Variants in TENM1 observed in about 807,000 individuals in gnomAD.
TENM1 encodes teneurin-1.
TENM1 carries 35 observed loss-of-function variants against 174.8 expected under a neutral mutation model. The observed-to-expected ratio is 0.20, with a 90% CI of 0.15 to 0.27. The LOEUF is 0.27. Among genes scored for constraint, TENM1 ranks in the 10% least tolerant of loss-of-function variants. The probability of loss-of-function intolerance (pLI) is 1.00; values close to 1 mark genes in which losing one functional copy is unlikely to be tolerated. For synonymous variants in TENM1, 781 were observed against 798.7 expected (o/e 0.98, Z 0.37); for missense variants, 1,633 against 2,130.1 (o/e 0.77, Z 4.59).
the TENM1 span, among the ~76,000 whole-genome samples, chrX:124,997,396 T>C: frequency 9.0e-6 from 1 of 111,213 alleles, no homozygotes; most frequent in East Asian, 2.8e-4. Flanking sequence ...AGAAATGAAA[T>C]CCAAATGGCA....
chrX:124,828,819 A>C (rs1240610240), intron 3 of TENM1, among the ~76,000 whole-genome samples: 12 of 112,234 alleles, frequency 1.1e-4, no homozygotes, highest in African/African-American at 3.9e-4. Flanking sequence ...AGAAAGAAAG[A>C]AAACAAAAGA....
chrX:124,520,454 T>C (rs2047816061), intron 18 of TENM1, 63 bp downstream of exon 21: 1 of 974,244 alleles, frequency 1.0e-6, no homozygotes, highest in African/African-American at 1.9e-5. Flanking sequence ...AATTAACATG[T>C]AACAAGTATT....
chrX:124,454,850 G>C (rs1211232445), intron 22 of TENM1, among the ~76,000 whole-genome samples: 1 of 112,144 alleles, frequency 8.9e-6, no homozygotes, highest in Non-Finnish European at 1.9e-5. Flanking sequence ...CTACAATTTA[G>C]TCTTTTCCCC....
At chrX:124,407,437 C>T (rs1282153381) in intron 25 of TENM1, among the ~76,000 whole-genome samples, 5 of 111,954 alleles carry the variant, frequency 4.5e-5, no homozygotes, top group Non-Finnish European at 7.5e-5. Context: ...TTTTATTTGC[C>T]TTTTAAAATG....
chrX:125,049,735 T>C, the TENM1 span, among the ~76,000 whole-genome samples: 1 of 111,478 alleles, frequency 9.0e-6, no homozygotes, highest in Non-Finnish European at 1.9e-5. Flanking sequence ...ATGTGTGACA[T>C]AGTATCTCTT....
the TENM1 span, among the ~76,000 whole-genome samples, chrX:125,090,424 T>C: frequency 9.2e-6 from 1 of 108,662 alleles, no homozygotes; most frequent in Non-Finnish European, 1.9e-5. Flanking sequence ...GACACGTGCA[T>C]CGCTTGAGGC....
At chrX:124,837,542 CTGTT>C (rs967397462) in intron 3 of TENM1, among the ~76,000 whole-genome samples, 1 of 112,123 alleles carries the variant, frequency 8.9e-6, no homozygotes, top group African/African-American at 3.2e-5. Flanking sequence ...GAAATGTTCT[CTGTT>C]TGGTGAAAAT....
chrX:124,979,302 C>T, the TENM1 span, among the ~76,000 whole-genome samples: 11 of 111,212 alleles, frequency 9.9e-5, no homozygotes, highest in Non-Finnish European at 1.3e-4. Context: ...TTTGTCAATT[C>T]GTTGAGCTTC....
At chrX:124,964,781 T>TTA (rs1374989887), upstream of TENM1, among the ~76,000 whole-genome samples, 13 of 112,479 alleles carry the variant, frequency 1.2e-4, 1 homozygote, top group East Asian at 3.6e-3. Flanking sequence ...GTTGCAACTT[T>TTA]GCAACTTGGT....
chrX:124,659,112 C>A (rs1456662758), intron 6 of TENM1, among the ~76,000 whole-genome samples: 1 of 111,878 alleles, frequency 8.9e-6, no homozygotes, highest in Non-Finnish European at 1.9e-5. Flanking sequence ...GTAGACGTTT[C>A]TGTATACGGA....
chrX:124,408,960 G>C (rs2060497652), intron 25 of TENM1, among the ~76,000 whole-genome samples: 2 of 107,670 alleles, frequency 1.9e-5, no homozygotes, highest in Non-Finnish European at 3.8e-5. Flanking sequence ...GAGAATGGTG[G>C]TTTACAGCTT....
At chrX:125,110,111 A>T in the TENM1 span, among the ~76,000 whole-genome samples, 39 of 111,838 alleles carry the variant, frequency 3.5e-4, no homozygotes, top group Admixed American at 3.1e-3. Flanking sequence ...TCACTCTTAT[A>T]AGCACTTTAT....
chrX:124,718,204 A>C (rs2053231818), intron 4 of TENM1, among the ~76,000 whole-genome samples: 1 of 112,578 alleles, frequency 8.9e-6, no homozygotes, highest in African/African-American at 3.2e-5. Flanking sequence ...AATAGAGGAC[A>C]AAAAGTGAAC....
intron 3 of TENM1, among the ~76,000 whole-genome samples, chrX:124,810,384 A>G (rs1016173477): frequency 8.9e-6 from 1 of 111,953 alleles, no homozygotes; most frequent in Non-Finnish European, 1.9e-5. Context: ...AAAAATCAAC[A>G]TACACAAATC....
At chrX:125,034,752 C>T in the TENM1 span, among the ~76,000 whole-genome samples, 4 of 111,533 alleles carry the variant, frequency 3.6e-5, no homozygotes, top group African/African-American at 1.3e-4. Flanking sequence ...AAGGAAAATG[C>T]AGTTGACTCA....
chrX:125,134,681 G>T, the TENM1 span, among the ~76,000 whole-genome samples: 2,007 of 112,096 alleles, frequency 0.018, 50 homozygotes, highest in African/African-American at 0.06. Context: ...CACACAACCT[G>T]GCAGTCACTG....
At chrX:124,410,528 A>C in intron 25 of TENM1, among the ~76,000 whole-genome samples, 1 of 111,318 alleles carries the variant, frequency 9.0e-6, no homozygotes, top group East Asian at 2.8e-4. Context: ...AATGGAATCT[A>C]ATTAAACTCA....
At chrX:124,971,313 T>C in the TENM1 span, among the ~76,000 whole-genome samples, 2 of 111,671 alleles carry the variant, frequency 1.8e-5, no homozygotes, top group Non-Finnish European at 3.8e-5. Flanking sequence ...CATAATCACC[T>C]AATCTCCCCC....
At chrX:124,467,441 T>C (rs755574707) in intron 22 of TENM1, among the ~76,000 whole-genome samples, 5 of 111,773 alleles carry the variant, frequency 4.5e-5, no homozygotes, top group Non-Finnish European at 7.5e-5. Flanking sequence ...GTCAGCCATT[T>C]AGGAAACTCC....
Sources: allele counts gnomAD v4.1 joint callset (sites outside exome capture counted in the v4.1 genomes callset), GRCh38; gene constraint gnomAD v4.1.1; transcripts MANE v1.5; gene names NCBI Gene and HGNC (gene_info 2026-07-23, HGNC 2026-07-21).